The following BDP1 variants were observed in gnomAD, a reference collection of about 807,000 sequenced individuals.
BDP1 encodes BDP1 general transcription factor IIIB subunit.
Under a neutral mutation model 266.6 loss-of-function variants are expected in BDP1, and 169 were observed. That is an observed-to-expected ratio of 0.63 (90% CI 0.56 to 0.72). BDP1 has a LOEUF of 0.72. Among genes scored for constraint, BDP1 ranks in the 30% least tolerant of loss-of-function variants. BDP1 has a pLI of 0.00. For missense variants in BDP1, 3,015 were observed against 3,053.8 expected, an observed-to-expected ratio of 0.99 and a Z score of 0.30; for synonymous variants, 1,090 against 1,022.4, an observed-to-expected ratio of 1.07 and a Z score of -1.26.
chr5:71,518,014 C>T (rs1765309144), intron 22 of BDP1, among the ~76,000 whole-genome samples: 1 of 152,220 alleles, frequency 6.6e-6, no homozygotes, highest in Non-Finnish European at 1.5e-5. Flanking sequence ...GAGGTAACTA[C>T]ATCGAAGCCA....
At chr5:71,560,697 C>T (rs1247245602) in intron 37 of BDP1, among the ~76,000 whole-genome samples, 4 of 152,174 alleles carry the variant, frequency 2.6e-5, no homozygotes, top group Admixed American at 1.3e-4. Flanking sequence ...GCCAACTTCT[C>T]TCACAATTTC....
At chr5:71,491,853 G>A (rs1763615304) in intron 11 of BDP1, among the ~76,000 whole-genome samples, 1 of 152,106 alleles carries the variant, frequency 6.6e-6, no homozygotes, top group Non-Finnish European at 1.5e-5. Flanking sequence ...GAGAAGCTGG[G>A]ACCACAGGCA....
chr5:71,456,949 T>A (rs553833306), intron 1 of BDP1, among the ~76,000 whole-genome samples: 1 of 152,358 alleles, frequency 6.6e-6, no homozygotes, highest in Admixed American at 6.5e-5. Flanking sequence ...AACATTTATT[T>A]ATTTTTGGAA....
chr5:71,560,049 A>C lies in BDP1; in HGVS notation c.7308A>C (p.Gln2436His). The C allele has an allele frequency of 6.2e-7, 1 of 1,614,010 alleles. No homozygotes were observed. Among genetic ancestry groups the C allele is most frequent in the Non-Finnish European group, 8.5e-7 (1 of 1,180,004 alleles). ...SGSTLTTPEP[Q>H]RQQVEAAFQS... ...GCACACTGACAACTCCAGAACCTCA[A>C]AGACAGCAAGTTGAAGCAGCTTTTC... Residue 2436 changes from glutamine (Q) to histidine (H), a missense_variant, in exon 37 of 39, where the codon CAA becomes CAC. Transcript: ENST00000358731.
At chr5:71,457,003 T>TA (rs1761231419) in intron 1 of BDP1, among the ~76,000 whole-genome samples, 1 of 152,214 alleles carries the variant, frequency 6.6e-6, no homozygotes, top group Non-Finnish European at 1.5e-5. Flanking sequence ...TGTATGGTGT[T>TA]ACGTTGATAG....
intron 15 of BDP1, among the ~76,000 whole-genome samples, chr5:71,504,274 A>G (rs1249064361): frequency 1.3e-5 from 2 of 148,410 alleles, no homozygotes; most frequent in African/African-American, 4.9e-5. Context: ...CTCCGTCTCA[A>G]AAAAAAAAAA....
At chr5:71,576,383 A>G in the BDP1 span, among the ~76,000 whole-genome samples, 1 of 152,204 alleles carries the variant, frequency 6.6e-6, no homozygotes, top group Non-Finnish European at 1.5e-5. Flanking sequence ...TTTGTGTGTC[A>G]CCACAAAGAC....
At chr5:71,513,127 C>A in intron 18 of BDP1, 58 bp from the exon 19 acceptor site, 5 of 1,134,304 alleles carry the variant, frequency 4.4e-6, no homozygotes, top group South Asian at 1.4e-5. Context: ...TGTACTGAGA[C>A]TCCGTTTCCA....
Position 71,489,530 on chromosome 5 carries a change from G to A in BDP1, c.1340G>A (p.Arg447Lys), listed in dbSNP as rs776208616. ...GAAGAAGAGTCTCTGACCTTATCAAGGGAGGATGCAGAGCAGGTTGCATTA... is the reference window on the plus strand; with the variant it reads ...GAAGAAGAGTCTCTGACCTTATCAAAGGAGGATGCAGAGCAGGTTGCATTA... ...TVEEESLTLS[R>K]EDAEQVALEV... The change falls in exon 10 of 39, where the codon AGG (arginine) becomes AAG (lysine). Residue 447 changes from arginine (R) to lysine (K), a missense_variant. Coordinates refer to ENST00000358731, the MANE Select transcript of BDP1 (RefSeq NM_018429.3). The A allele has an allele frequency of 2.5e-6, 4 of 1,614,098 alleles. 1 individual carries two copies.
rs748539598 is a variant in BDP1 at position 71,467,438 on chromosome 5, A to G, written c.870A>G (p.Thr290=). 1.2e-6 allele frequency: 2 copies of G among 1,610,590 alleles called. No homozygotes were observed. The highest frequency in any genetic ancestry group is 2.2e-5 in the South Asian group (2 of 90,892). ...DPIFERGSTT[T]YSSFRKNYYS... ...TATTTGAGCGCGGTTCTACAACTAC[A>G]TACTCCAGCTTTAGGAAAAACTATT... Residue 290 remains threonine (T), a synonymous_variant, in exon 6 of 39, where the codon ACA becomes ACG. Transcript: ENST00000358731.
chr5:71,509,349 T>G, intron 16 of BDP1, 116 bp from the exon 17 acceptor site: 2 of 1,228,798 alleles, frequency 1.6e-6, no homozygotes, highest in Non-Finnish European at 2.2e-6. Context: ...TAGGCCTTCC[T>G]TAATTTTTTT....
chr5:71,524,559 C>T (rs1391671217), intron 25 of BDP1, among the ~76,000 whole-genome samples: 1 of 151,990 alleles, frequency 6.6e-6, no homozygotes, highest in South Asian at 2.1e-4. Flanking sequence ...TCTGCTTACA[C>T]TTGTACCTGG....
intron 7 of BDP1, among the ~76,000 whole-genome samples, chr5:71,477,001 G>GC (rs1431871932): frequency 1.3e-5 from 2 of 151,346 alleles, no homozygotes; most frequent in East Asian, 1.9e-4. Context: ...ATCGTGCCCG[G>GC]CCCCCCCACC....
chr5:71,498,598 A>G (rs1764036103), intron 13 of BDP1, among the ~76,000 whole-genome samples: 1 of 147,206 alleles, frequency 6.8e-6, no homozygotes, highest in African/African-American at 2.5e-5. Context: ...TAATTTTTGT[A>G]TTTTTAGTAG....
In BDP1 at chr5:71,497,440, G is replaced by T. The variant is rs986999352; in HGVS notation, c.1956+14G>T. The T allele has an allele frequency of 2.6e-6, 4 of 1,563,566 alleles. No individual in the cohort carries two copies. Among genetic ancestry groups the T allele is most frequent in the Non-Finnish European group, 3.5e-6 (4 of 1,158,696 alleles). On this transcript the variant is annotated intron_variant, in intron 13 of 38. Coordinates refer to ENST00000358731, the MANE Select transcript of BDP1 (RefSeq NM_018429.3). Reference sequence around the variant, plus strand: ...TCAGTTGAAAAGGTATGGGGTAAGAGATTTCATGGAAATTAAAATTATAAA... The same window carrying T: ...TCAGTTGAAAAGGTATGGGGTAAGATATTTCATGGAAATTAAAATTATAAA...
rs1346035506 is a variant in BDP1 at position 71,511,105 on chromosome 5, A to G, written c.4013A>G (p.Gln1338Arg). The G allele has an allele frequency of 6.2e-7, 1 of 1,614,026 alleles. No homozygotes were observed. Among genetic ancestry groups the G allele is most frequent in the African/African-American group, 1.3e-5 (1 of 74,956 alleles). ...TSRQTDTHLMQSGSNDFSAVP... is the reference protein window; with the variant it reads ...TSRQTDTHLMRSGSNDFSAVP... ...AGACAAACTGACACACATTTAATGCAGAGCGGTAGCAATGACTTCAGTGCT... is the reference window on the plus strand; with the variant it reads ...AGACAAACTGACACACATTTAATGCGGAGCGGTAGCAATGACTTCAGTGCT... The change falls in exon 17 of 39, where the codon CAG (glutamine) becomes CGG (arginine). Residue 1338 changes from glutamine to arginine, a missense_variant. Gln to Arg is a conservative substitution (Grantham distance 43). Around this residue, in one of 3 missense-constraint regions of BDP1, gnomAD observed 2,383 missense variants for 2,404.9 expected, o/e 0.99. Transcript: ENST00000358731.
intron 6 of BDP1, among the ~76,000 whole-genome samples, chr5:71,468,059 C>T (rs917355380): frequency 7.2e-5 from 11 of 152,072 alleles, no homozygotes; most frequent in African/African-American, 2.7e-4. Context: ...CCTCTTGTTG[C>T]CCAGGCTGAA....
chr5:71,456,429 T>C (rs1028442321), intron 1 of BDP1, among the ~76,000 whole-genome samples: 1 of 152,260 alleles, frequency 6.6e-6, no homozygotes, highest in Non-Finnish European at 1.5e-5. Flanking sequence ...TGGAGTGCTT[T>C]GCAGGGAAGT....
chr5:71,564,857 T>C lies in BDP1; in HGVS notation c.7847T>C (p.Ile2616Thr), dbSNP rs1372517670. ...GTCTCTGAATATTTCTTCAATGATATCTTCATTGAAGTGGATGAAACAGAA... is the reference window on the plus strand; with the variant it reads ...GTCTCTGAATATTTCTTCAATGATACCTTCATTGAAGTGGATGAAACAGAA... ...TTVSEYFFND[I>T]FIEVDETE is the part of the protein sequence containing the mutation. Residue 2616 changes from isoleucine to threonine, a missense_variant, in exon 39 of 39, where the codon ATC becomes ACC. Ile to Thr is a moderately conservative substitution (Grantham distance 89). Transcript: ENST00000358731. 3.1e-6 allele frequency: 5 copies of C among 1,608,160 alleles called. No individual in the cohort carries two copies. Among genetic ancestry groups the C allele is most frequent in the South Asian group, 2.2e-5 (2 of 90,246 alleles).
Sources: gnomAD v4.1 joint callset for allele counts (sites outside exome capture counted in the v4.1 genomes callset) on GRCh38, gnomAD v4.1.1 for gene constraint, gnomAD v4.1.1 regional missense constraint, MANE v1.5 for transcripts, NCBI Gene and HGNC (gene_info 2026-07-23, HGNC 2026-07-21) for gene names.